SPAG16: variants seen among roughly 807,000 people sequenced by gnomAD.
SPAG16 encodes the protein sperm-associated antigen 16 protein.
Under a neutral mutation model 80.4 loss-of-function variants are expected in SPAG16, and 86 were observed. The observed-to-expected ratio is 1.07, with a 90% CI of 0.90 to 1.28. The LOEUF (loss-of-function observed/expected upper bound fraction) is 1.28, where lower values mean the gene tolerates loss of function less well. Among genes scored for constraint, SPAG16 ranks in the 50% most tolerant of loss-of-function variants. The pLI is 0.00. For synonymous variants in SPAG16, 294 were observed against 265.9 expected, an observed-to-expected ratio of 1.11 and a Z score of -1.03; for missense variants, 870 against 765.3, an observed-to-expected ratio of 1.14 and a Z score of -1.61.
At chr2:213,494,073 A>G (rs1478575165) in intron 10 of SPAG16, among the ~76,000 whole-genome samples, 3 of 151,848 alleles carry the variant, frequency 2.0e-5, no homozygotes, top group Non-Finnish European at 4.4e-5. Context: ...CCTGACTCCT[A>G]TTATTTGCAT....
At chr2:214,180,935 T>C (rs2125669928) in intron 15 of SPAG16, among the ~76,000 whole-genome samples, 1 of 151,878 alleles carries the variant, frequency 6.6e-6, no homozygotes, top group South Asian at 2.1e-4. Context: ...GAGTGGATTT[T>C]ATTACAAACT....
intron 10 of SPAG16, among the ~76,000 whole-genome samples, chr2:213,796,431 G>T (rs974486597): frequency 5.9e-5 from 9 of 151,984 alleles, no homozygotes; most frequent in Non-Finnish European, 1.3e-4. Flanking sequence ...TGAGCATAAC[G>T]TCTTCAAAGT....
chr2:213,703,334 C>T (rs1260015965), intron 10 of SPAG16, among the ~76,000 whole-genome samples: 1 of 152,154 alleles, frequency 6.6e-6, no homozygotes, highest in Admixed American at 6.5e-5. Flanking sequence ...TTGTCCTTTC[C>T]TTTTTCATGT....
At chr2:213,326,931 G>A (rs1265642687) in intron 5 of SPAG16, among the ~76,000 whole-genome samples, 1 of 151,658 alleles carries the variant, frequency 6.6e-6, no homozygotes, top group Non-Finnish European at 1.5e-5. Flanking sequence ...ATGGAGTTTT[G>A]GGGCAATAAT....
chr2:213,494,802 C>A (rs140740528), intron 10 of SPAG16, among the ~76,000 whole-genome samples: 1 of 152,162 alleles, frequency 6.6e-6, no homozygotes, highest in Non-Finnish European at 1.5e-5. Flanking sequence ...CATGCTCTCC[C>A]ACTCTCCCTT....
intron 10 of SPAG16, among the ~76,000 whole-genome samples, chr2:213,720,361 C>T (rs181301999): frequency 6.6e-6 from 1 of 151,882 alleles, no homozygotes; most frequent in Admixed American, 6.6e-5. Context: ...GGCGCAGTGG[C>T]TAACACCTGT....
intron 15 of SPAG16, among the ~76,000 whole-genome samples, chr2:214,203,397 C>A (rs2058063648): frequency 6.6e-6 from 1 of 152,128 alleles, no homozygotes; most frequent in Non-Finnish European, 1.5e-5. Context: ...GCTCCAAGAA[C>A]TACCACAGGA....
intron 9 of SPAG16, among the ~76,000 whole-genome samples, chr2:213,457,433 C>T (rs918511707): frequency 3.3e-5 from 5 of 152,170 alleles, no homozygotes; most frequent in East Asian, 1.9e-4. Context: ...ACACTTTGTT[C>T]GGTATTATTT....
In SPAG16 at chr2:214,149,200, C is replaced by A; in HGVS notation, c.1654C>A (p.Leu552Met). ...GVTKLWDFRK[L>M]LPIVSIDIGP... ...TACAAAGCTGTGGGACTTTCGGAAG[C>A]TGTTACCAATTGTGTCCATCGATAT... is the stretch of plus-strand genomic sequence containing the variant. Residue 552 changes from leucine (L) to methionine (M), a missense_variant, in exon 15 of 16, where the codon CTG becomes ATG. By Grantham distance (15) the Leu-to-Met change is conservative. Transcript: ENST00000331683. 6.3e-7 allele frequency: 1 copy of A among 1,599,382 alleles called. No individual in the cohort carries two copies. Among genetic ancestry groups the A allele is most frequent in the Non-Finnish European group, 8.5e-7 (1 of 1,172,556 alleles).
chr2:213,474,750 C>G (rs1193958981), intron 9 of SPAG16, among the ~76,000 whole-genome samples: 3 of 152,140 alleles, frequency 2.0e-5, no homozygotes, highest in Non-Finnish European at 2.9e-5. Flanking sequence ...GTACCAAAAT[C>G]TGTATTAGCC....
Position 213,418,266 on chromosome 2 carries a change from C to CAT in SPAG16, c.942+43158_942+43159dup, listed in dbSNP as rs372115580. Among the ~76,000 whole-genome samples the CAT allele has an allele frequency of 9.1e-3, 1,374 of 151,472 alleles. 19 individuals are homozygous for CAT. The highest frequency in any genetic ancestry group is 0.03 in the African/African-American group (1,227 of 41,380). On this transcript the variant is annotated intron_variant, in intron 9 of 15. Coordinates refer to ENST00000331683, the MANE Select transcript of SPAG16 (RefSeq NM_024532.5). ...ATTTATATCCATCTACACACACACA[C>CAT]ATATATATATATGCACACATGTACA...
rs13401210 is a variant in SPAG16, at chr2:214,355,156, C to A, written c.1721-54984C>A. ...ACACCAAAAGCAATGGCAACAAAAG[C>A]CAAAATTGACAAATGGGATCTCATT... On this transcript the variant is annotated intron_variant, in intron 15 of 15. Transcript: ENST00000331683. Among the ~76,000 whole-genome samples, 1,170 of 150,336 alleles carry A rather than the reference C, an allele frequency of 7.8e-3. 16 individuals carry two copies. The highest frequency in any genetic ancestry group is 0.027 in the African/African-American group (1,104 of 41,148).
chr2:213,833,578 A>ATATATATAT (rs2073914010), intron 10 of SPAG16, among the ~76,000 whole-genome samples: 1 of 40,728 alleles, frequency 2.5e-5, no homozygotes, highest in African/African-American at 1.2e-4. Flanking sequence ...TATATATATA[A>ATATATATAT]TATATATATT....
intron 9 of SPAG16, among the ~76,000 whole-genome samples, chr2:213,417,579 T>C (rs2069332506): frequency 1.3e-5 from 2 of 152,220 alleles, no homozygotes; most frequent in South Asian, 4.1e-4. Flanking sequence ...AAATTAATTT[T>C]GGTAAACCTT....
At chr2:214,195,795 A>T (rs1280248056) in intron 15 of SPAG16, among the ~76,000 whole-genome samples, 1 of 151,986 alleles carries the variant, frequency 6.6e-6, no homozygotes, top group Non-Finnish European at 1.5e-5. Flanking sequence ...AAGTAAAAAA[A>T]ACTAGCTATG....
chr2:213,400,899 C>G (rs748040406), intron 9 of SPAG16, among the ~76,000 whole-genome samples: 1 of 152,098 alleles, frequency 6.6e-6, no homozygotes, highest in Non-Finnish European at 1.5e-5. Flanking sequence ...CTCGACCTCC[C>G]AGGGCTCAGC....
chr2:214,011,010 G>A (rs2047255995), intron 12 of SPAG16, among the ~76,000 whole-genome samples: 2 of 145,264 alleles, frequency 1.4e-5, no homozygotes, highest in African/African-American at 5.4e-5. Context: ...ATCTTGTCTT[G>A]TAGTAAGAAA....
chr2:213,774,985 G>A (rs1047286162), intron 10 of SPAG16, among the ~76,000 whole-genome samples: 1 of 152,092 alleles, frequency 6.6e-6, no homozygotes, highest in Non-Finnish European at 1.5e-5. Flanking sequence ...TCTCAGGTTG[G>A]ATCTGTCTCG....
chr2:213,639,009 CT>C (rs1265414653), intron 10 of SPAG16, among the ~76,000 whole-genome samples: 1 of 152,158 alleles, frequency 6.6e-6, no homozygotes, highest in African/African-American at 2.4e-5. Context: ...TCCTCTTTGT[CT>C]TTTTTAACTG....
Sources: gnomAD v4.1 joint callset for allele counts (sites outside exome capture counted in the v4.1 genomes callset) on GRCh38, gnomAD v4.1.1 for gene constraint, MANE v1.5 for transcripts, NCBI Gene and HGNC (gene_info 2026-07-23, HGNC 2026-07-21) for gene names.